The following SSUH2 variants were observed in gnomAD, a reference collection of about 807,000 sequenced individuals.
SSUH2 encodes protein SSUH2 homolog.
Under a neutral mutation model 55.3 loss-of-function variants are expected in SSUH2, and 47 were observed. The observed-to-expected ratio is 0.85, with a 90% CI of 0.67 to 1.08. The LOEUF (loss-of-function observed/expected upper bound fraction) is 1.08, where lower values mean the gene tolerates loss of function less well. SSUH2 is among the 50% of genes least tolerant of loss of function. The pLI, the probability that SSUH2 is intolerant of heterozygous loss-of-function variation, is 0.00. For synonymous variants in SSUH2, 212 were observed against 191.5 expected, an observed-to-expected ratio of 1.11 and a Z score of -0.89; for missense variants, 535 against 490.7, an observed-to-expected ratio of 1.09 and a Z score of -0.85.
intron 7 of SSUH2, among the ~76,000 whole-genome samples, chr3:8,658,009 G>C (rs1440678978): frequency 1.9e-4 from 29 of 152,218 alleles, no homozygotes; most frequent in Admixed American, 1.9e-3. Context: ...CCCATGTGTG[G>C]GGAGACAGTG....
rs943282092 is a variant in SSUH2, at chr3:8,680,969, C to G, written c.-1046+922G>C. 4.0e-5 allele frequency among the ~76,000 whole-genome samples: 6 copies of G among 151,604 alleles called. 1 individual carries two copies. The highest frequency in any genetic ancestry group is 4.1e-4 in the South Asian group (2 of 4,820). ...CTGGAATTATTATCATCCTCTCCCC[C>G]TCTTCCCTCCCTGGCTCTTAGGACC... On this transcript the variant is annotated intron_variant, in intron 1 of 18. Transcript: ENST00000317371.
chr3:8,627,647 A>T, intron 8 of SSUH2, 51 bp downstream of exon 8: 1 of 1,449,572 alleles, frequency 6.9e-7, no homozygotes, highest in African/African-American at 1.4e-5. Flanking sequence ...CAGGCAATGA[A>T]AAGCCAGAAA....
At chr3:8,678,540 C>A (rs1262618901) in intron 2 of SSUH2, among the ~76,000 whole-genome samples, 3 of 125,442 alleles carry the variant, frequency 2.4e-5, no homozygotes, top group African/African-American at 8.3e-5. Context: ...CCCCTCTTCC[C>A]TCCATGGCTC....
At chr3:8,634,132 G>C in intron 3 of SSUH2, 1 of 690,658 alleles carries the variant, frequency 1.4e-6, no homozygotes, top group Non-Finnish European at 2.4e-6. Flanking sequence ...GGTCCAGAGA[G>C]GATGTCGCAC....
chr3:8,623,957 C>T (rs1482944444), intron 10 of SSUH2, among the ~76,000 whole-genome samples: 4 of 151,796 alleles, frequency 2.6e-5, no homozygotes, highest in East Asian at 3.9e-4. Context: ...AGTGTGGACT[C>T]GTGGGGTCTG....
In SSUH2 at chr3:8,622,103, T is replaced by A. The variant is rs374376599; in HGVS notation, c.981+1446A>T. 2.0e-5 allele frequency among the ~76,000 whole-genome samples: 3 copies of A among 152,174 alleles called. No individual in the cohort carries two copies. In the South Asian group the frequency reaches 6.2e-4, roughly 32 times the overall value. On this transcript the variant is annotated intron_variant, in intron 11 of 11. Transcript: ENST00000544814. The stretch of plus-strand genomic sequence containing the variant: ...AAGCAGATTCCAGGTCTCAGAGTCA[T>A]GGCCATGGCTGGGAGATGGAATTTA...
At chr3:8,651,767 C>T (rs1040069420) in intron 7 of SSUH2, among the ~76,000 whole-genome samples, 3 of 152,130 alleles carry the variant, frequency 2.0e-5, no homozygotes, top group African/African-American at 7.2e-5. Flanking sequence ...AGAGACAGCC[C>T]TCAGCAAGGA....
At chr3:8,679,528 G>GGT (rs1559573897) in intron 2 of SSUH2, among the ~76,000 whole-genome samples, 18 of 148,922 alleles carry the variant, frequency 1.2e-4, no homozygotes, top group African/African-American at 4.5e-4. Context: ...TCGCAGGTAG[G>GGT]GGAGGCACCC....
At chr3:8,644,075 T>G (rs1034262634) in intron 1 of SSUH2, among the ~76,000 whole-genome samples, 21 of 152,250 alleles carry the variant, frequency 1.4e-4, no homozygotes, top group Middle Eastern at 3.4e-3. Flanking sequence ...CATAGCACAT[T>G]TCTTCCTGAA....
chr3:8,659,801 C>A (rs1291558261), intron 6 of SSUH2: 1 of 456,230 alleles, frequency 2.2e-6, no homozygotes, highest in East Asian at 7.0e-5. Flanking sequence ...TCATCAGATA[C>A]CTGCAGTCAG....
intron 1 of SSUH2, chr3:8,639,818 T>C (rs1020778406): frequency 6.7e-5 from 15 of 225,476 alleles, no homozygotes; most frequent in East Asian, 1.8e-4. Flanking sequence ...ATTGTCTCCT[T>C]TGACAGGTGT....
intron 1 of SSUH2, among the ~76,000 whole-genome samples, chr3:8,681,240 C>CAGG: frequency 7.5e-6 from 1 of 133,602 alleles, no homozygotes; most frequent in African/African-American, 2.8e-5. Context: ...ACCCCCATCG[C>CAGG]AGGGTGGGAG....
chr3:8,681,850 T>A, intron 1 of SSUH2: 1 of 163,782 alleles, frequency 6.1e-6, no homozygotes, highest in Non-Finnish European at 1.3e-5. Flanking sequence ...CCCCCCTGGC[T>A]TAGGAACCCC....
chr3:8,661,929 T>G (rs1196126540), intron 6 of SSUH2, among the ~76,000 whole-genome samples: 2 of 152,218 alleles, frequency 1.3e-5, no homozygotes, highest in South Asian at 4.2e-4. Context: ...ATAAGTCTCA[T>G]GAAATCCGAC....
At chr3:8,671,805 C>G (rs1443985237) in intron 4 of SSUH2, 8 of 151,382 alleles carry the variant, frequency 5.3e-5, no homozygotes, top group East Asian at 1.9e-4. Context: ...TATCACCCCC[C>G]CTCTCCCCAC....
chr3:8,657,496 G>C (rs1703052895), intron 7 of SSUH2, among the ~76,000 whole-genome samples: 1 of 152,124 alleles, frequency 6.6e-6, no homozygotes, highest in Non-Finnish European at 1.5e-5. Context: ...CCTCCATGAG[G>C]TGTTCCATGC....
At chr3:8,654,655 A>G (rs1386724395) in intron 7 of SSUH2, among the ~76,000 whole-genome samples, 1 of 152,188 alleles carries the variant, frequency 6.6e-6, no homozygotes, top group Non-Finnish European at 1.5e-5. Context: ...AAATATCTCA[A>G]TGTCTCAGTG....
chr3:8,679,842 A>G (rs754687241), exon 2 of SSUH2: 27 of 152,516 alleles, frequency 1.8e-4, no homozygotes, highest in Admixed American at 4.6e-4. Flanking sequence ...TTTGCAATCT[A>G]TCGGAGCCTA....
intron 3 of SSUH2, chr3:8,634,397 C>A (rs1297233504): frequency 1.5e-6 from 2 of 1,291,416 alleles, no homozygotes; most frequent in South Asian, 2.5e-5. Flanking sequence ...CACCCCCTTA[C>A]TGAAGTCTTT....
Sources: gnomAD v4.1 joint callset for allele counts (sites outside exome capture counted in the v4.1 genomes callset) on GRCh38, gnomAD v4.1.1 for gene constraint, MANE v1.5 for transcripts, NCBI Gene and HGNC (gene_info 2026-07-23, HGNC 2026-07-21) for gene names.